Variants in VBP1 observed in about 807,000 individuals in gnomAD.
VBP1 encodes prefoldin subunit 3.
In VBP1, 4 loss-of-function variants were observed where a neutral mutation model predicts 15.5. That is an observed-to-expected ratio of 0.26 (90% CI 0.13 to 0.59). The LOEUF (loss-of-function observed/expected upper bound fraction) is 0.59, where lower values mean the gene tolerates loss of function less well. Ranked by LOEUF, VBP1 falls within the 20% of genes least tolerant of loss-of-function variation. The pLI is 0.90. For synonymous variants in VBP1, 61 were observed against 52.1 expected, an observed-to-expected ratio of 1.17 and a Z score of -0.74; for missense variants, 108 against 139.6, an observed-to-expected ratio of 0.77 and a Z score of 1.14.
intron 1 of VBP1, among the ~76,000 whole-genome samples, chrX:155,219,583 A>T (rs2074679313): frequency 8.9e-6 from 1 of 111,882 alleles, no homozygotes; most frequent in Admixed American, 9.5e-5. Flanking sequence ...TAATCTTGAC[A>T]TGCAACCTGT....
chrX:155,206,131 G>A (rs969225377), intron 1 of VBP1, among the ~76,000 whole-genome samples: 1 of 112,218 alleles, frequency 8.9e-6, no homozygotes, highest in Non-Finnish European at 1.9e-5. Context: ...GTGCCATGGA[G>A]AAATTTGCAG....
intron 2 of VBP1, 109 bp from the exon 3 acceptor site, chrX:155,227,126 T>C (rs1386387250): frequency 1.0e-5 from 4 of 385,336 alleles, no homozygotes; most frequent in Non-Finnish European, 1.3e-5. Flanking sequence ...TTTATATCTA[T>C]AAATAGTCCT....
At position 155,238,956 on chromosome X, in the gene VBP1, G is replaced by T; in HGVS notation, c.*114G>T. Reference sequence around the variant, plus strand: ...TTTAACAGCAAGAATTTTAAGAAAAGATAAACACCATTTTATTTATTTATA... The same window carrying T: ...TTTAACAGCAAGAATTTTAAGAAAATATAAACACCATTTTATTTATTTATA... On this transcript the variant is annotated 3_prime_UTR_variant, in exon 6 of 6. Coordinates refer to ENST00000286428, the MANE Select transcript of VBP1 (RefSeq NM_003372.7). The T allele has an allele frequency of 2.1e-6, 1 of 472,769 alleles. No homozygotes were observed. The highest frequency in any genetic ancestry group is 4.2e-5 in the East Asian group (1 of 24,025). 39.0% of individuals were successfully genotyped at this position (472,769 alleles called of 1,213,427 possible). A position where few individuals can be genotyped will look rare whatever the true frequency, so the allele number is the denominator to read the frequency against.
chrX:155,237,230 C>T (rs782381786), intron 5 of VBP1, among the ~76,000 whole-genome samples: 2 of 111,232 alleles, frequency 1.8e-5, no homozygotes, highest in African/African-American at 6.6e-5. Context: ...TACTTCCTGT[C>T]ACAGTCACTC....
intron 2 of VBP1, among the ~76,000 whole-genome samples, chrX:155,223,623 G>C (rs1174007931): frequency 8.9e-6 from 1 of 112,489 alleles, no homozygotes; most frequent in African/African-American, 3.2e-5. Context: ...GCAACAATCT[G>C]ATCTCTCCTT....
At chrX:155,198,394 G>T (rs1211902128) in intron 1 of VBP1, among the ~76,000 whole-genome samples, 2 of 111,467 alleles carry the variant, frequency 1.8e-5, no homozygotes, top group African/African-American at 6.5e-5. Context: ...ACACGGCGGG[G>T]TACTCCTCTG....
intron 3 of VBP1, among the ~76,000 whole-genome samples, chrX:155,227,787 GA>G (rs1284495064): frequency 2.7e-5 from 3 of 112,054 alleles, no homozygotes; most frequent in Non-Finnish European, 5.6e-5. Context: ...GTTACTGGCA[GA>G]ACTAAATTTG....
At chrX:155,223,289 C>T (rs782660467) in intron 2 of VBP1, among the ~76,000 whole-genome samples, 1 of 106,235 alleles carries the variant, frequency 9.4e-6, no homozygotes, top group African/African-American at 3.5e-5. Flanking sequence ...GAGGGAAGGT[C>T]AGCAGGTAAA....
Position 155,210,627 on chromosome X carries a change from C to G in VBP1, c.78+1646C>G, listed in dbSNP as rs782104430. On this transcript the variant is annotated intron_variant, in intron 2 of 6. Transcript: ENST00000535916. ...TCTCATCTAATCCAGAGCCAGGTCC[C>G]TAGGTAAAATCTCAGGACTTCATCC... 5.4e-5 allele frequency among the ~76,000 whole-genome samples: 6 copies of G among 111,845 alleles called. No homozygotes were observed. In the South Asian group the frequency reaches 1.9e-3, roughly 35 times the overall value.
intron 5 of VBP1, among the ~76,000 whole-genome samples, chrX:155,237,088 A>G (rs1457506156): frequency 1.8e-5 from 2 of 112,282 alleles, no homozygotes; most frequent in African/African-American, 6.5e-5. Flanking sequence ...TTGAGAAGAT[A>G]AAAGTTAGGC....
Position 155,220,389 on chromosome X carries a change from A to C in VBP1, c.218+82A>C. On this transcript the variant is annotated intron_variant, in intron 2 of 5. Transcript: ENST00000286428. Reference sequence around the variant, plus strand: ...ATTGAGATATAATTTACATATAATAAAATATTCAGATGTCAAGTGTTCAGT... The same window carrying C: ...ATTGAGATATAATTTACATATAATACAATATTCAGATGTCAAGTGTTCAGT... The C allele has an allele frequency of 5.8e-6, 5 of 858,366 alleles. No homozygotes were observed. The Middle Eastern group carries it at 1.4e-3, about 244-fold the overall frequency. 70.7% of individuals were successfully genotyped at this position (858,366 alleles called of 1,213,427 possible). A position where few individuals can be genotyped will look rare whatever the true frequency, so the allele number is the denominator to read the frequency against.
chrX:155,212,166 A>AAATGC (rs2074647222), upstream of VBP1, among the ~76,000 whole-genome samples: 2 of 112,246 alleles, frequency 1.8e-5, no homozygotes, highest in African/African-American at 6.5e-5. Flanking sequence ...ATTGTGCTGG[A>AAATGC]AATGCACCAT....
intron 3 of VBP1, 36 bp downstream of exon 3, chrX:155,227,337 A>T: frequency 9.9e-7 from 1 of 1,013,775 alleles, no homozygotes; most frequent in Non-Finnish European, 1.3e-6. Flanking sequence ...TGAGCAAGCT[A>T]GGATATGTCA....
rs782353421 is a variant in VBP1 at position 155,238,758 on chromosome X, G to A, written c.524-14G>A. 6 of 1,192,763 alleles carry A rather than the reference G, an allele frequency of 5.0e-6. No homozygotes were observed. The South Asian group carries it at 9.3e-5, about 18-fold the overall frequency. ...TTAGAATTGCATTTGCATTTTCTTT[G>A]ACAATTCTTGCAGATATGGCCAGGG... On this transcript the variant is annotated splice_polypyrimidine_tract_variant and intron_variant, in intron 5 of 5. Transcript: ENST00000286428.
At chrX:155,200,873 A>G (rs1281757100) in intron 1 of VBP1, among the ~76,000 whole-genome samples, 2 of 110,657 alleles carry the variant, frequency 1.8e-5, no homozygotes, top group Non-Finnish European at 3.8e-5. Context: ...CAAGACTAAT[A>G]AAGAAGAAAA....
chrX:155,205,962 A>G (rs1180933656), intron 1 of VBP1, among the ~76,000 whole-genome samples: 1 of 112,201 alleles, frequency 8.9e-6, no homozygotes, highest in Non-Finnish European at 1.9e-5. Flanking sequence ...TGAATCTAAT[A>G]GCTACTTCTC....
intron 1 of VBP1, among the ~76,000 whole-genome samples, chrX:155,201,096 C>A (rs1363204620): frequency 9.2e-6 from 1 of 108,704 alleles, no homozygotes; most frequent in African/African-American, 3.4e-5. Flanking sequence ...AATAACAGGC[C>A]CTGAAATTGT....
At chrX:155,203,556 A>G (rs1178099034) in intron 1 of VBP1, among the ~76,000 whole-genome samples, 1 of 98,791 alleles carries the variant, frequency 1.0e-5, no homozygotes, top group Non-Finnish European at 2.0e-5. Flanking sequence ...TGGGAATTGA[A>G]CAATGAAAAC....
At chrX:155,210,489 G>A (rs1395047837) in intron 2 of VBP1, among the ~76,000 whole-genome samples, 4 of 111,259 alleles carry the variant, frequency 3.6e-5, no homozygotes, top group African/African-American at 9.8e-5. Context: ...TCATACAGGC[G>A]CAGTTCTGGG....
Sources: gnomAD v4.1 joint callset for allele counts (sites outside exome capture counted in the v4.1 genomes callset) on GRCh38, gnomAD v4.1.1 for gene constraint, MANE v1.5 for transcripts, NCBI Gene and HGNC (gene_info 2026-07-23, HGNC 2026-07-21) for gene names.